The following CBFA2T2 variants were observed in gnomAD, a reference collection of about 807,000 sequenced individuals.
CBFA2T2 encodes CBFA2/RUNX1 partner transcriptional co-repressor 2.
CBFA2T2 carries 11 observed loss-of-function variants against 62.2 expected under a neutral mutation model. The observed-to-expected ratio is 0.18, with a 90% confidence interval of 0.11 to 0.29. The LOEUF is 0.29. Ranked by LOEUF, CBFA2T2 falls within the 10% of genes least tolerant of loss-of-function variation. The pLI is 1.00. For synonymous variants in CBFA2T2, 295 were observed against 287.5 expected, an observed-to-expected ratio of 1.03 and a Z score of -0.27; for missense variants, 592 against 774.1, an observed-to-expected ratio of 0.76 and a Z score of 2.79.
At chr20:33,576,153 T>C (rs2013817175) in intron 1 of CBFA2T2, among the ~76,000 whole-genome samples, 1 of 152,118 alleles carries the variant, frequency 6.6e-6, no homozygotes. Context: ...CAAGGTGCAC[T>C]TGAGTCTACC....
chr20:33,539,601 T>C (rs926399030), intron 1 of CBFA2T2, among the ~76,000 whole-genome samples: 2 of 152,164 alleles, frequency 1.3e-5, no homozygotes, highest in Non-Finnish European at 2.9e-5. Context: ...CCTAAAATAA[T>C]TGGTTGATTG....
intron 10 of CBFA2T2, among the ~76,000 whole-genome samples, chr20:33,642,119 TGTGTG>T (rs2016878169): frequency 1.4e-4 from 4 of 28,856 alleles, no homozygotes; most frequent in Non-Finnish European, 2.2e-4. Context: ...TTTTTTTTTG[TGTGTG>T]TGTGTGTGTG....
chr20:33,518,138 C>T (rs996555295), intron 1 of CBFA2T2, among the ~76,000 whole-genome samples: 1 of 151,778 alleles, frequency 6.6e-6, no homozygotes, highest in Non-Finnish European at 1.5e-5. Flanking sequence ...TTAGTAGAGA[C>T]TGGGTTTCAT....
At chr20:33,583,954 A>G (rs4911347) in intron 1 of CBFA2T2, among the ~76,000 whole-genome samples, 16,317 of 147,980 alleles carry the variant, frequency 0.11, 2,186 homozygotes, top group African/African-American at 0.31. Context: ...TTGTTTGTTT[A>G]TTTATTTATT....
intron 1 of CBFA2T2, among the ~76,000 whole-genome samples, chr20:33,529,606 C>T (rs1212765218): frequency 6.6e-6 from 1 of 151,286 alleles, no homozygotes; most frequent in Non-Finnish European, 1.5e-5. Flanking sequence ...AAAACGTTAG[C>T]TGGGCATGGT....
In CBFA2T2 at chr20:33,590,476, ACTT is replaced by A. The variant is rs1294750245; in HGVS notation, c.35-16473_35-16471del. 2.0e-5 allele frequency among the ~76,000 whole-genome samples: 3 copies of A among 151,990 alleles called. No individual in the cohort carries two copies. The South Asian group carries it at 6.2e-4, about 32-fold the overall frequency. On this transcript the variant is annotated intron_variant, in intron 1 of 10. Transcript: ENST00000342704. ...GGCTATGCGCATGCCCCAGGAATAT[ACTT>A]CTTCTTTGATTGGGCACAATAAGAT...
At chr20:33,609,625 T>C (rs1276863191) in intron 2 of CBFA2T2, among the ~76,000 whole-genome samples, 1 of 152,128 alleles carries the variant, frequency 6.6e-6, no homozygotes, top group Non-Finnish European at 1.5e-5. Flanking sequence ...TTAACAGAGA[T>C]GATACCTGAA....
chr20:33,644,658 T>G lies in CBFA2T2; in HGVS notation c.*12T>G. 6.3e-7 allele frequency: 1 copy of G among 1,585,012 alleles called. No homozygotes were observed. The highest frequency in any genetic ancestry group is 1.1e-5 in the South Asian group (1 of 87,668). ...CCAACGGACTCTGAGCCCCGGACTC[T>G]GCTTACCCTGATGGCTGCTCAGCAC... On this transcript the variant is annotated 3_prime_UTR_variant, in exon 11 of 11. Transcript: ENST00000342704.
At chr20:33,607,322 T>A (rs969623297) in intron 2 of CBFA2T2, among the ~76,000 whole-genome samples, 3 of 152,248 alleles carry the variant, frequency 2.0e-5, no homozygotes, top group African/African-American at 7.2e-5. Flanking sequence ...ATATTTTGTT[T>A]TCATATTCTT....
At chr20:33,497,274 CAAAAAA>C (rs34528525) in intron 1 of CBFA2T2, among the ~76,000 whole-genome samples, 209 of 58,084 alleles carry the variant, frequency 3.6e-3, no homozygotes, top group African/African-American at 0.013. Context: ...ACCCTGTCTC[CAAAAAA>C]AAAAAAAAAA....
chr20:33,498,153 ACTC>A (rs1390588301), intron 1 of CBFA2T2, among the ~76,000 whole-genome samples: 1 of 149,190 alleles, frequency 6.7e-6, no homozygotes, highest in East Asian at 2.0e-4. Context: ...CTGGTCTAGA[ACTC>A]CTAGGCTCAA....
chr20:33,516,763 A>C (rs1239235937), intron 1 of CBFA2T2, among the ~76,000 whole-genome samples: 1 of 151,980 alleles, frequency 6.6e-6, no homozygotes. Flanking sequence ...TGTAATACTC[A>C]CGCAGTGTTT....
intron 6 of CBFA2T2, among the ~76,000 whole-genome samples, chr20:33,627,082 C>T (rs2016259774): frequency 6.6e-6 from 1 of 152,074 alleles, no homozygotes; most frequent in African/African-American, 2.4e-5. Flanking sequence ...TACTCCTATG[C>T]CTCTCTTTTA....
chr20:33,525,187 ATT>A (rs1236157163), intron 1 of CBFA2T2, among the ~76,000 whole-genome samples: 8 of 130,096 alleles, frequency 6.1e-5, no homozygotes, highest in Admixed American at 7.6e-5. Flanking sequence ...CCCTACCTCC[ATT>A]TTTTTTTTTT....
intron 1 of CBFA2T2, among the ~76,000 whole-genome samples, chr20:33,513,143 G>T (rs575475125): frequency 6.6e-6 from 1 of 152,278 alleles, no homozygotes; most frequent in South Asian, 2.1e-4. Flanking sequence ...AGATGCTGCT[G>T]CTGTCAAAGT....
intron 1 of CBFA2T2, among the ~76,000 whole-genome samples, chr20:33,565,980 T>C (rs2013295330): frequency 6.6e-6 from 1 of 152,164 alleles, no homozygotes; most frequent in African/African-American, 2.4e-5. Flanking sequence ...GGTCAGTTCA[T>C]TGATGGTTAT....
At chr20:33,506,541 C>T (rs1373854106) in intron 1 of CBFA2T2, among the ~76,000 whole-genome samples, 3 of 152,148 alleles carry the variant, frequency 2.0e-5, no homozygotes, top group South Asian at 2.1e-4. Flanking sequence ...AGGTAAGATT[C>T]GGTCCCGGTC....
Position 33,623,284 on chromosome 20 carries a change from C to T in CBFA2T2, c.680C>T (p.Pro227Leu), listed in dbSNP as rs1334040859. 4 of 1,614,072 alleles carry T rather than the reference C, an allele frequency of 2.5e-6. No homozygotes were observed. In the Admixed American group the frequency reaches 5.0e-5, roughly 20 times the overall value. The change falls in exon 5 of 11, where the codon CCC (proline) becomes CTC (leucine). Residue 227 changes from proline (P) to leucine (L), a missense_variant. Transcript: ENST00000342704. ...GAGGTGCACGGAAATGGGAAGAGGC[C>T]CAGTCCAGAGAGGTGAGCAGATGAG... Reference protein sequence around the residue: ...LMEVHGNGKRPSPERREENSF... With the variant: ...LMEVHGNGKRLSPERREENSF...
At chr20:33,604,014 C>T (rs2015241794) in intron 1 of CBFA2T2, among the ~76,000 whole-genome samples, 1 of 152,156 alleles carries the variant, frequency 6.6e-6, no homozygotes, top group Non-Finnish European at 1.5e-5. Flanking sequence ...AGATCTCACT[C>T]CATGAAGGGC....
Sources: gnomAD v4.1 joint callset for allele counts (sites outside exome capture counted in the v4.1 genomes callset) on GRCh38, gnomAD v4.1.1 for gene constraint, MANE v1.5 for transcripts, NCBI Gene and HGNC (gene_info 2026-07-23, HGNC 2026-07-21) for gene names.